The following INTS4 variants were observed in gnomAD, a reference collection of about 807,000 sequenced individuals.
INTS4 encodes integrator complex subunit 4.
In INTS4, 70 loss-of-function variants were observed where a neutral mutation model predicts 119.5. The ratio of observed to expected loss-of-function variants is 0.59; its 90% confidence interval spans 0.48 to 0.71. INTS4 has a LOEUF of 0.71. Ranked by LOEUF, INTS4 falls within the 30% of genes least tolerant of loss-of-function variation. The pLI, the probability that INTS4 is intolerant of heterozygous loss-of-function variation, is 0.00. For missense variants in INTS4, 867 were observed against 1,173.2 expected (o/e 0.74, Z 3.81); for synonymous variants, 316 against 419.6 (o/e 0.75, Z 3.02).
downstream of INTS4, among the ~76,000 whole-genome samples, chr11:77,878,330 C>T (rs1951664277): frequency 6.6e-6 from 1 of 151,658 alleles, no homozygotes; most frequent in Admixed American, 6.6e-5. Flanking sequence ...CCACTGCACT[C>T]CAGCCTGAGC....
At chr11:77,960,249 TC>T in intron 6 of INTS4, 91 bp downstream of exon 6, 1 of 836,124 alleles carries the variant, frequency 1.2e-6, no homozygotes, top group East Asian at 2.5e-5. Flanking sequence ...ACTAGCGAAG[TC>T]CTTACGTTTT....
rs2136663755 is a variant in INTS4, at chr11:77,988,329, A to G, written c.246+2779T>C. 1.3e-5 allele frequency among the ~76,000 whole-genome samples: 2 copies of G among 152,364 alleles called. 1 individual carries two copies. The highest frequency in any genetic ancestry group is 6.8e-3 in the Middle Eastern group (2 of 294). ...AACAAAGTCTGATATATATTTGTTG[A>G]GTAAAATGTATCACAAAAGCATCAA... On this transcript the variant is annotated intron_variant, in intron 2 of 22. Coordinates refer to ENST00000534064, the MANE Select transcript of INTS4 (RefSeq NM_033547.4).
chr11:77,961,102 A>T lies in INTS4; in HGVS notation c.508T>A (p.Cys170Ser), dbSNP rs769235779. ...CCAAGATTGCCAAGTAACTGCAGGC[A>T]CTTATTTCTTACACCATGAGACGTA... Reference protein sequence around the residue: ...TDTSHGVRNKCLQLLGNLGSL... With the variant: ...TDTSHGVRNKSLQLLGNLGSL... The change falls in exon 5 of 23, where the codon TGC (cysteine) becomes AGC (serine). Residue 170 changes from cysteine (C) to serine (S), a missense_variant. Coordinates refer to ENST00000534064, the MANE Select transcript of INTS4 (RefSeq NM_033547.4). 6.2e-7 allele frequency: 1 copy of T among 1,607,924 alleles called. No individual in the cohort carries two copies. Among genetic ancestry groups the T allele is most frequent in the South Asian group, 1.1e-5 (1 of 90,652 alleles).
chr11:77,933,984 G>A (rs1470031266), intron 10 of INTS4, among the ~76,000 whole-genome samples: 2 of 152,140 alleles, frequency 1.3e-5, no homozygotes, highest in Non-Finnish European at 2.9e-5. Flanking sequence ...TGGAGGGGTC[G>A]GATTGTTGCT....
Position 77,891,729 on chromosome 11 carries a change from C to G in INTS4, c.2400G>C (p.Gln800His). The change falls in exon 20 of 23, where the codon CAG becomes CAC. Residue 800 changes from glutamine to histidine, a missense_variant. This residue lies in a region of INTS4 where 262 missense variants were observed against 376.0 expected (regional missense o/e 0.70). Transcript: ENST00000534064. ...SKPAEVVKIL[Q>H]TMLRQSAFLH... Reference sequence around the variant, plus strand: ...GAAAGGCACTCTGTCGCAGCATGGTCTGTAGAATTTTGACCACTTCTGCAG... The same window carrying G: ...GAAAGGCACTCTGTCGCAGCATGGTGTGTAGAATTTTGACCACTTCTGCAG... 1 of 1,611,974 alleles carries G rather than the reference C, an allele frequency of 6.2e-7. No individual in the cohort carries two copies. The highest frequency in any genetic ancestry group is 8.5e-7 in the Non-Finnish European group (1 of 1,179,854).
downstream of INTS4, among the ~76,000 whole-genome samples, chr11:77,878,414 T>G (rs1246917718): frequency 6.6e-6 from 1 of 152,068 alleles, no homozygotes; most frequent in Non-Finnish European, 1.5e-5. Context: ...TCTCCAGCTA[T>G]TCAGTCCTTG....
chr11:77,989,631 T>A (rs1045394850), intron 2 of INTS4, among the ~76,000 whole-genome samples: 6 of 151,850 alleles, frequency 4.0e-5, no homozygotes, highest in Non-Finnish European at 8.8e-5. Context: ...GGTTCACACC[T>A]GTAATCTCAG....
chr11:77,991,703 G>A (rs1005265184), intron 1 of INTS4, among the ~76,000 whole-genome samples: 2 of 151,904 alleles, frequency 1.3e-5, no homozygotes, highest in Non-Finnish European at 2.9e-5. Context: ...CTAACATTTT[G>A]CTCTACCTAT....
intron 2 of INTS4, chr11:77,987,702 C>CA (rs886291939): frequency 9.8e-5 from 43 of 438,342 alleles, no homozygotes; most frequent in African/African-American, 1.4e-4. Context: ...TCCATCTCTA[C>CA]AAAAAAAATT....
At chr11:77,976,932 G>C (rs1323218141) in intron 4 of INTS4, among the ~76,000 whole-genome samples, 1 of 152,112 alleles carries the variant, frequency 6.6e-6, no homozygotes, top group African/African-American at 2.4e-5. Context: ...GTTGTGGGGT[G>C]GGGGAAGGGG....
intron 13 of INTS4, 151 bp downstream of exon 13, chr11:77,922,205 G>A (rs1455805847): frequency 3.6e-6 from 3 of 844,528 alleles, no homozygotes; most frequent in Non-Finnish European, 5.3e-6. Context: ...TCCAGCCTGG[G>A]TGACAGAATG....
chr11:77,883,724 G>A (rs988685040), intron 22 of INTS4, 108 bp downstream of exon 22: 61 of 1,182,728 alleles, frequency 5.2e-5, no homozygotes, highest in Non-Finnish European at 7.0e-5. Flanking sequence ...TTCTTACAAG[G>A]CCTGATTCAT....
At chr11:77,978,002 C>T (rs1412491878) in intron 4 of INTS4, 1 of 152,066 alleles carries the variant, frequency 6.6e-6, no homozygotes, top group East Asian at 1.9e-4. Context: ...GATTCTCCTG[C>T]CTCAGCCTCC....
rs141855963 is a variant in INTS4 at position 77,966,438 on chromosome 11, T to C, written c.472-5300A>G. ...AGTAGTTTTACAGTTTCAGGTCGTA[T>C]GTTTTAAGTCTTTAATCCACTCAGT... On this transcript the variant is annotated intron_variant, in intron 4 of 22. Coordinates refer to ENST00000534064, the MANE Select transcript of INTS4 (RefSeq NM_033547.4). Among the ~76,000 whole-genome samples the C allele has an allele frequency of 1.2e-3, 181 of 152,338 alleles. 3 individuals are homozygous for C. The highest frequency in any genetic ancestry group is 4.4e-4 in the Non-Finnish European group (30 of 68,032).
chr11:77,897,259 C>T (rs1216971187), intron 18 of INTS4, among the ~76,000 whole-genome samples: 5 of 151,282 alleles, frequency 3.3e-5, no homozygotes, highest in Admixed American at 6.6e-5. Context: ...TTTGGGAGGC[C>T]GAGGTGGAAG....
intron 15 of INTS4, among the ~76,000 whole-genome samples, chr11:77,909,710 C>T (rs116634921): frequency 0.014 from 2,155 of 152,264 alleles, 44 homozygotes; most frequent in African/African-American, 0.048. Context: ...TGACTGTAAC[C>T]ATATGAAAAC....
downstream of INTS4, among the ~76,000 whole-genome samples, chr11:77,878,124 A>G (rs949646280): frequency 4.6e-5 from 7 of 152,130 alleles, no homozygotes; most frequent in Non-Finnish European, 1.0e-4. Flanking sequence ...GCATTTTGGG[A>G]GGCCAAGGTG....
intron 15 of INTS4, among the ~76,000 whole-genome samples, chr11:77,913,575 T>C (rs766960830): frequency 6.6e-5 from 10 of 152,206 alleles, no homozygotes; most frequent in Non-Finnish European, 1.5e-4. Flanking sequence ...CCTCCCAAAG[T>C]GTTGGGATTA....
At chr11:77,930,646 TA>T (rs2136500929) in intron 10 of INTS4, among the ~76,000 whole-genome samples, 1 of 152,300 alleles carries the variant, frequency 6.6e-6, no homozygotes, top group Non-Finnish European at 1.5e-5. Flanking sequence ...ACGGCCAGAC[TA>T]TAAGCAAGAA....
Sources: allele counts gnomAD v4.1 joint callset (sites outside exome capture counted in the v4.1 genomes callset), GRCh38; gene constraint gnomAD v4.1.1; regional missense constraint gnomAD v4.1.1; transcripts MANE v1.5; gene names NCBI Gene and HGNC (gene_info 2026-07-23, HGNC 2026-07-21).